The following USP15 variants were observed in gnomAD, a reference collection of about 807,000 sequenced individuals.
USP15 encodes ubiquitin carboxyl-terminal hydrolase 15.
USP15 carries 18 observed loss-of-function variants against 127.1 expected under a neutral mutation model. The observed-to-expected ratio is 0.14, with a 90% confidence interval of 0.10 to 0.21. The LOEUF (loss-of-function observed/expected upper bound fraction) is 0.21, where lower values mean the gene tolerates loss of function less well. USP15 is among the 10% of genes least tolerant of loss of function. USP15 has a pLI of 1.00. For missense variants in USP15, 805 were observed against 1,159.9 expected, an observed-to-expected ratio of 0.69 and a Z score of 4.44; for synonymous variants, 364 against 393.7, an observed-to-expected ratio of 0.92 and a Z score of 0.89.
At chr12:62,329,316 A>G (rs2065216432) in intron 6 of USP15, among the ~76,000 whole-genome samples, 1 of 152,212 alleles carries the variant, frequency 6.6e-6, no homozygotes, top group Admixed American at 6.5e-5. Flanking sequence ...GGTTTCCGTG[A>G]GCCAAGATCG....
intron 8 of USP15, among the ~76,000 whole-genome samples, chr12:62,368,240 A>G (rs548355356): frequency 1.3e-5 from 2 of 152,208 alleles, no homozygotes; most frequent in African/African-American, 2.4e-5. Flanking sequence ...TATTTGGTCA[A>G]TTTTAGAATA....
chr12:62,294,648 A>T (rs376451545), intron 2 of USP15: 1 of 164,158 alleles, frequency 6.1e-6, no homozygotes, highest in South Asian at 1.6e-4. Flanking sequence ...TTGTTATTAA[A>T]TAATTAAACA....
At chr12:62,400,820 A>G (rs901642176) in intron 20 of USP15, among the ~76,000 whole-genome samples, 1 of 152,078 alleles carries the variant, frequency 6.6e-6, no homozygotes, top group African/African-American at 2.4e-5. Context: ...GGTGGGGAGA[A>G]TAATAATGAT....
At chr12:62,269,841 A>G (rs965589182) in intron 1 of USP15, among the ~76,000 whole-genome samples, 2 of 152,032 alleles carry the variant, frequency 1.3e-5, no homozygotes, top group African/African-American at 4.8e-5. Context: ...TGAATTTCCA[A>G]TTTTTGCCTA....
Position 62,334,897 on chromosome 12 carries a change from A to G in USP15, c.683+8964A>G, listed in dbSNP as rs970383657. Among the ~76,000 whole-genome samples the G allele has an allele frequency of 5.3e-5, 8 of 152,192 alleles. No homozygotes were observed. The East Asian group carries it at 9.6e-4, about 18-fold the overall frequency. The stretch of plus-strand genomic sequence containing the variant: ...TTTTTCTATTGAAGTAAGAGGCTCA[A>G]CTTAGCCTTGAATTGCATGTTTTTA... On this transcript the variant is annotated intron_variant, in intron 6 of 21. Transcript: ENST00000280377.
intron 19 of USP15, among the ~76,000 whole-genome samples, chr12:62,395,597 GTTT>G (rs897626943): frequency 7.0e-6 from 1 of 142,924 alleles, no homozygotes; most frequent in African/African-American, 2.6e-5. Flanking sequence ...TTATTCATTC[GTTT>G]TTTTTTTTAA....
rs2068014701 is a variant in USP15, at chr12:62,410,570, A to G, written c.*6195A>G. ...ACTGCAAATTCAAACAGTAAACATCATTAATCCTAGATATTTGGGTACTAC... is the reference window on the plus strand; with the variant it reads ...ACTGCAAATTCAAACAGTAAACATCGTTAATCCTAGATATTTGGGTACTAC... On this transcript the variant is annotated 3_prime_UTR_variant, in exon 22 of 22. Coordinates refer to ENST00000280377, the MANE Select transcript of USP15 (RefSeq NM_001252078.2). 1 of 152,172 alleles carries G rather than the reference A, an allele frequency of 6.6e-6. No individual in the cohort carries two copies. Among genetic ancestry groups the G allele is most frequent in the Non-Finnish European group, 1.5e-5 (1 of 68,020 alleles). 9.4% of individuals were successfully genotyped at this position (152,172 alleles called of 1,614,324 possible).
chr12:62,292,597 A>G lies in USP15; in HGVS notation c.90-1582A>G, dbSNP rs1026019079. Among the ~76,000 whole-genome samples the G allele has an allele frequency of 8.5e-5, 13 of 152,242 alleles. No homozygotes were observed. The South Asian group carries it at 1.2e-3, about 15-fold the overall frequency. ...AGGGGGAGGAGAAGTTCCCTTCTCT[A>G]TGTCTGGGCTCAAGCACAGAGGCCA... On this transcript the variant is annotated intron_variant, in intron 1 of 21. Transcript: ENST00000280377.
intron 1 of USP15, among the ~76,000 whole-genome samples, chr12:62,278,325 A>G (rs949214097): frequency 2.6e-5 from 4 of 152,160 alleles, no homozygotes; most frequent in African/African-American, 7.2e-5. Context: ...TTTTTTATAT[A>G]TAAGTAGAAG....
chr12:62,400,070 C>G (rs537760057), intron 20 of USP15, among the ~76,000 whole-genome samples: 1 of 152,014 alleles, frequency 6.6e-6, no homozygotes. Flanking sequence ...ATTTAGAAGC[C>G]GTACCCTACA....
At chr12:62,299,306 C>T (rs1285891273) in intron 2 of USP15, among the ~76,000 whole-genome samples, 1 of 152,082 alleles carries the variant, frequency 6.6e-6, no homozygotes, top group African/African-American at 2.4e-5. Context: ...GATGGGGTTT[C>T]ACCACGTTGG....
intron 21 of USP15, among the ~76,000 whole-genome samples, chr12:62,402,918 A>G (rs1354654539): frequency 3.9e-5 from 6 of 152,096 alleles, no homozygotes; most frequent in Admixed American, 2.6e-4. Context: ...AGTTAGAACA[A>G]TACAAACAAG....
chr12:62,337,313 G>A (rs977166016), intron 6 of USP15, among the ~76,000 whole-genome samples: 2 of 151,988 alleles, frequency 1.3e-5, no homozygotes, highest in African/African-American at 4.8e-5. Flanking sequence ...TATAGGAGAC[G>A]GGGCAATTTA....
intron 1 of USP15, among the ~76,000 whole-genome samples, chr12:62,263,007 C>T (rs2137019652): frequency 6.6e-6 from 1 of 152,202 alleles, no homozygotes; most frequent in Non-Finnish European, 1.5e-5. Flanking sequence ...TGCAAATTAG[C>T]AAGTGAAACC....
chr12:62,389,892 A>G lies in USP15; in HGVS notation c.1748A>G (p.His583Arg). 1 of 1,613,914 alleles carries G rather than the reference A, an allele frequency of 6.2e-7. No individual in the cohort carries two copies. The highest frequency in any genetic ancestry group is 8.5e-7 in the Non-Finnish European group (1 of 1,179,894). Residue 583 changes from histidine (H) to arginine (R), a missense_variant, in exon 14 of 22, where the codon CAT (histidine) becomes CGT (arginine). Coordinates refer to ENST00000280377, the MANE Select transcript of USP15 (RefSeq NM_001252078.2). ...TTCAGACACTCGAGTTATACCCACC[A>G]TACTGGTTCTTCACTTTTTGGTCAG... The part of the protein sequence containing the change: ...EKFRHSSYTH[H>R]TGSSLFGQPF...
At chr12:62,364,644 G>A (rs911778786) in intron 8 of USP15, among the ~76,000 whole-genome samples, 1 of 152,034 alleles carries the variant, frequency 6.6e-6, no homozygotes, top group African/African-American at 2.4e-5. Context: ...CACGTGCCAA[G>A]GTGGTTTGCT....
intron 1 of USP15, among the ~76,000 whole-genome samples, chr12:62,292,163 G>A (rs565227635): frequency 3.2e-4 from 48 of 152,268 alleles, no homozygotes; most frequent in African/African-American, 1.2e-3. Context: ...GTGTGGGCCA[G>A]GTGATGAGCT....
In USP15 at chr12:62,392,259, T is replaced by TA. The variant is rs955130422; in HGVS notation, c.2305-12dup. Reference sequence around the variant, plus strand: ...TCATTTGTTCTCTTAACTCAAGAAATACTTCTCTTTAGGACTTTGAAAAAC... The same window carrying TA: ...TCATTTGTTCTCTTAACTCAAGAAATAACTTCTCTTTAGGACTTTGAAAAAC... On this transcript the variant is annotated splice_polypyrimidine_tract_variant and intron_variant, in intron 17 of 21. Transcript: ENST00000280377. The TA allele has an allele frequency of 1.3e-6, 2 of 1,530,618 alleles. No individual in the cohort carries two copies. Among genetic ancestry groups the TA allele is most frequent in the East Asian group, 4.5e-5 (2 of 44,162 alleles). 94.8% of individuals were successfully genotyped at this position (1,530,618 alleles called of 1,614,324 possible). A position where few individuals can be genotyped will look rare whatever the true frequency, so the allele number is the denominator to read the frequency against.
intron 1 of USP15, chr12:62,278,628 A>G (rs2063560575): frequency 6.6e-6 from 1 of 152,174 alleles, no homozygotes; most frequent in African/African-American, 2.4e-5. Flanking sequence ...CAAGAAAGTC[A>G]TTATGCAGTG....
Sources: allele counts gnomAD v4.1 joint callset (sites outside exome capture counted in the v4.1 genomes callset), GRCh38; gene constraint gnomAD v4.1.1; transcripts MANE v1.5; gene names NCBI Gene and HGNC (gene_info 2026-07-23, HGNC 2026-07-21).